Variants in LY75 observed in about 807,000 individuals in gnomAD.
LY75 encodes lymphocyte antigen 75, also known as C-type lectin domain family 13 member B.
Under a neutral mutation model 231.7 loss-of-function variants are expected in LY75, and 185 were observed. That is an observed-to-expected ratio of 0.80 (90% CI 0.71 to 0.90). The LOEUF (loss-of-function observed/expected upper bound fraction) is 0.90, where lower values mean the gene tolerates loss of function less well. Ranked by LOEUF, LY75 falls within the 40% of genes least tolerant of loss-of-function variation. The pLI is 0.00. For synonymous variants in LY75, 668 were observed against 689.0 expected (o/e 0.97, Z 0.48); for missense variants, 1,947 against 2,050.2 (o/e 0.95, Z 0.97).
chr2:159,877,397 C>T (rs1169894738), intron 11 of LY75, among the ~76,000 whole-genome samples: 1 of 152,206 alleles, frequency 6.6e-6, no homozygotes, highest in Non-Finnish European at 1.5e-5. Flanking sequence ...AAATCAGGAA[C>T]TCTGGATTTC....
chr2:159,875,771 A>G, intron 11 of LY75, 128 bp from the exon 12 acceptor site: 1 of 1,143,714 alleles, frequency 8.7e-7, no homozygotes, highest in Non-Finnish European at 1.2e-6. Flanking sequence ...CAAAGAGAGG[A>G]AAGAAATATG....
At position 159,815,422 on chromosome 2, in the gene LY75, CA is replaced by C; in HGVS notation, c.4531del (p.Cys1511ValfsTer65). 1.2e-6 allele frequency: 2 copies of C among 1,601,384 alleles called. No individual in the cohort carries two copies. The highest frequency in any genetic ancestry group is 1.7e-6 in the Non-Finnish European group (2 of 1,176,734). On this transcript the variant is annotated frameshift_variant, in exon 31 of 35. Coordinates refer to ENST00000263636, the MANE Select transcript of LY75 (RefSeq NM_002349.4). LOFTEE classifies it high-confidence loss of function. The part of the protein sequence containing the change: ...KCNSVKDGAI[C>X]YKPTKSKKLS... ...AGTCTTACATTTTGTAGGTTTATAA[CA>C]AATAGCACCATCCTTAACAGAGTTG...
chr2:159,819,636 C>A (rs762905562), intron 29 of LY75, 90 bp downstream of exon 29: 18 of 1,440,354 alleles, frequency 1.2e-5, no homozygotes, highest in Admixed American at 6.7e-5. Flanking sequence ...ACAGAGGAAG[C>A]ATTTGATTGT....
chr2:159,824,893 T>C (rs1574532052), intron 28 of LY75, among the ~76,000 whole-genome samples: 1 of 152,162 alleles, frequency 6.6e-6, no homozygotes, highest in African/African-American at 2.4e-5. Context: ...GAAATAAAGA[T>C]GTTCTTTGAA....
chr2:159,815,523 GAT>G lies in LY75; in HGVS notation c.4429_4430del (p.Ile1477ProfsTer23). On this transcript the variant is annotated frameshift_variant, in exon 31 of 35. Transcript: ENST00000263636. LOFTEE classifies it high-confidence loss of function. Reference protein sequence around the residue: ...EWSDGSTFDYIPWKGQTSPGN... With the variant: ...EWSDGSTFDYXPWKGQTSPGN... ...CAGGAGATGTTTGGCCTTTCCATGG[GAT>G]ATAGTCAAATGTACTACCATCAGAC... The G allele has an allele frequency of 6.2e-7, 1 of 1,613,780 alleles. No individual in the cohort carries two copies. Among genetic ancestry groups the G allele is most frequent in the Non-Finnish European group, 8.5e-7 (1 of 1,179,940 alleles).
chr2:159,878,630 C>T lies in LY75; in HGVS notation c.1604+3G>A, dbSNP rs770898988. On this transcript the variant is annotated splice_donor_region_variant and intron_variant, in intron 10 of 34. Coordinates refer to ENST00000263636, the MANE Select transcript of LY75 (RefSeq NM_002349.4). Reference sequence around the variant, plus strand: ...ATGAGTACAAGTTTACTGATGGTCACACCTGCTAGTGATAGTCAGATTGCA... The same window carrying T: ...ATGAGTACAAGTTTACTGATGGTCATACCTGCTAGTGATAGTCAGATTGCA... The T allele has an allele frequency of 1.4e-5, 23 of 1,614,006 alleles. No individual in the cohort carries two copies. The East Asian group carries it at 4.9e-4, about 34-fold the overall frequency.
At chr2:159,847,277 G>A (rs952109715) in intron 23 of LY75, among the ~76,000 whole-genome samples, 11 of 152,122 alleles carry the variant, frequency 7.2e-5, no homozygotes, top group African/African-American at 2.7e-4. Context: ...GCCTCCTAAA[G>A]TGCTAGGATT....
At chr2:159,849,309 G>C (rs553069727) in intron 23 of LY75, among the ~76,000 whole-genome samples, 1 of 152,226 alleles carries the variant, frequency 6.6e-6, no homozygotes, top group South Asian at 2.1e-4. Context: ...AAAGTATAGA[G>C]AACAGAAGCA....
intron 1 of LY75, chr2:159,903,004 C>T (rs1686124179): frequency 6.6e-6 from 1 of 152,298 alleles, no homozygotes; most frequent in South Asian, 2.1e-4. Context: ...GAAGCGGACA[C>T]TCTTGCCAAA....
In LY75 at chr2:159,807,150, GA is replaced by G. The variant is rs1682817650; in HGVS notation, c.4823-11del. The G allele has an allele frequency of 2.5e-6, 4 of 1,602,986 alleles. No individual in the cohort carries two copies. Among genetic ancestry groups the G allele is most frequent in the Non-Finnish European group, 3.4e-6 (4 of 1,174,990 alleles). On this transcript the variant is annotated splice_polypyrimidine_tract_variant and intron_variant, in intron 33 of 34. Coordinates refer to ENST00000263636, the MANE Select transcript of LY75 (RefSeq NM_002349.4). ...CAACTCCAAGACTGGTCTGAAGAAA[GA>G]AATTAAATACAACTATGTCTACTGC...
At chr2:159,813,386 C>G (rs1158346275) in intron 31 of LY75, among the ~76,000 whole-genome samples, 1 of 150,280 alleles carries the variant, frequency 6.7e-6, no homozygotes, top group Non-Finnish European at 1.5e-5. Context: ...TATTCGTTTC[C>G]TTGGGCTGCC....
chr2:159,831,777 G>A lies in LY75; in HGVS notation c.3851C>T (p.Ser1284Leu). The change falls in exon 28 of 35, where the codon TCA becomes TTA. Residue 1284 changes from serine to leucine, a missense_variant. By Grantham distance (145) the Ser-to-Leu change is moderately radical (BLOSUM62 -2). Coordinates refer to ENST00000263636, the MANE Select transcript of LY75 (RefSeq NM_002349.4). Reference sequence around the variant, plus strand: ...TTCATCTCGAATACTCAGAATATGTGATTTTGGATCTGTTGAATAAAAAAT... The same window carrying A: ...TTCATCTCGAATACTCAGAATATGTAATTTTGGATCTGTTGAATAAAAAAT... ...HTKCQKLNPK[S>L]HILSIRDEKE... The A allele has an allele frequency of 6.2e-7, 1 of 1,605,472 alleles. No homozygotes were observed. The highest frequency in any genetic ancestry group is 8.5e-7 in the Non-Finnish European group (1 of 1,176,766).
intron 30 of LY75, 131 bp downstream of exon 30, chr2:159,816,675 G>T (rs1683126889): frequency 4.5e-6 from 6 of 1,323,168 alleles, no homozygotes; most frequent in Non-Finnish European, 6.1e-6. Flanking sequence ...AGGTAAGAAA[G>T]CACCATGCTA....
chr2:159,831,935 A>G (rs1346323059), intron 27 of LY75, 149 bp from the exon 28 acceptor site: 2 of 656,652 alleles, frequency 3.0e-6, no homozygotes, highest in Admixed American at 7.6e-5. Context: ...AAATAAAATT[A>G]TCCCATTGTA....
intron 25 of LY75, among the ~76,000 whole-genome samples, chr2:159,836,336 C>G (rs1306109949): frequency 1.3e-5 from 2 of 152,158 alleles, no homozygotes; most frequent in Non-Finnish European, 2.9e-5. Context: ...CTGTGGCTCT[C>G]ACATCACTGT....
At chr2:159,881,877 G>T (rs943745793) in intron 7 of LY75, among the ~76,000 whole-genome samples, 6 of 152,160 alleles carry the variant, frequency 3.9e-5, no homozygotes, top group Non-Finnish European at 8.8e-5. Flanking sequence ...TAATTAAGAT[G>T]AAATAAAAGT....
chr2:159,815,667 T>C, intron 30 of LY75, 94 bp from the exon 31 acceptor site: 1 of 1,422,208 alleles, frequency 7.0e-7, no homozygotes, highest in Non-Finnish European at 9.5e-7. Flanking sequence ...AATATTATAA[T>C]GGAATATTAA....
chr2:159,833,074 G>C (rs1216407587), intron 27 of LY75, among the ~76,000 whole-genome samples: 2 of 150,562 alleles, frequency 1.3e-5, no homozygotes, highest in Admixed American at 6.6e-5. Flanking sequence ...CCATAGCCTA[G>C]CTTGATTTAA....
At chr2:159,836,197 AC>A (rs1683819449) in intron 25 of LY75, among the ~76,000 whole-genome samples, 2 of 152,016 alleles carry the variant, frequency 1.3e-5, no homozygotes, top group Admixed American at 1.3e-4. Context: ...TCCATCCCCT[AC>A]CAAGTTAAGT....
Sources: gnomAD v4.1 joint callset for allele counts (sites outside exome capture counted in the v4.1 genomes callset) on GRCh38, gnomAD v4.1.1 for gene constraint, MANE v1.5 for transcripts, NCBI Gene and HGNC (gene_info 2026-07-23, HGNC 2026-07-21) for gene names.